Variants in CFAP20DC observed in about 807,000 individuals in gnomAD.
CFAP20DC encodes the protein CFAP20 domain containing.
Under a neutral mutation model 101.7 loss-of-function variants are expected in CFAP20DC, and 84 were observed. The ratio of observed to expected loss-of-function variants is 0.83; its 90% CI spans 0.69 to 0.99. The LOEUF (loss-of-function observed/expected upper bound fraction) is 0.99. Ranked by LOEUF, CFAP20DC falls within the 50% of genes least tolerant of loss-of-function variation. The probability of loss-of-function intolerance (pLI) is 0.00; values close to 1 mark genes in which losing one functional copy is unlikely to be tolerated. For missense variants in CFAP20DC, 1,007 were observed against 970.3 expected (o/e 1.04, Z -0.50); for synonymous variants, 359 against 351.2 (o/e 1.02, Z -0.25).
intron 4 of CFAP20DC, among the ~76,000 whole-genome samples, chr3:58,975,752 G>A (rs1161558006): frequency 6.6e-6 from 1 of 151,954 alleles, no homozygotes; most frequent in African/African-American, 2.4e-5. Flanking sequence ...GTTTTGGTAT[G>A]TGATACTGTT....
At chr3:58,718,580 TG>T (rs1174797862) in intron 3 of CFAP20DC, among the ~76,000 whole-genome samples, 1 of 152,204 alleles carries the variant, frequency 6.6e-6, no homozygotes, top group African/African-American at 2.4e-5. Context: ...CCCCTTGTCC[TG>T]CGGGCACTGC....
chr3:58,784,507 C>G (rs560834420), intron 15 of CFAP20DC, among the ~76,000 whole-genome samples: 1 of 152,070 alleles, frequency 6.6e-6, no homozygotes, highest in Non-Finnish European at 1.5e-5. Context: ...CATGTATCCT[C>G]TGAATCTAAA....
intron 14 of CFAP20DC, among the ~76,000 whole-genome samples, chr3:58,816,792 C>G (rs972907881): frequency 6.6e-6 from 1 of 152,156 alleles, no homozygotes; most frequent in Non-Finnish European, 1.5e-5. Context: ...CCCACCACAG[C>G]TCAAGGAGGC....
At chr3:58,787,233 G>A (rs913195941) in intron 15 of CFAP20DC, among the ~76,000 whole-genome samples, 4 of 149,246 alleles carry the variant, frequency 2.7e-5, no homozygotes, top group South Asian at 2.1e-4. Context: ...GTAAACTATC[G>A]CAAGAACAAA....
chr3:58,934,192 G>A (rs1236298185), intron 5 of CFAP20DC, among the ~76,000 whole-genome samples: 1 of 152,112 alleles, frequency 6.6e-6, no homozygotes, highest in African/African-American at 2.4e-5. Context: ...TAAATTCCTC[G>A]ACACATACAC....
At chr3:58,765,490 C>CAAAAA (rs1337049385) in intron 15 of CFAP20DC, among the ~76,000 whole-genome samples, 5 of 81,802 alleles carry the variant, frequency 6.1e-5, no homozygotes, top group Admixed American at 1.4e-4. Context: ...AAAAAAAAAC[C>CAAAAA]AAAAAAAAAA....
Position 58,859,935 on chromosome 3 carries a change from T to G in CFAP20DC, c.1593+3623A>C, listed in dbSNP as rs368642307. Among the ~76,000 whole-genome samples the G allele has an allele frequency of 6.6e-6, 1 of 152,020 alleles. No individual in the cohort carries two copies. Among genetic ancestry groups the G allele is most frequent in the Admixed American group, 6.5e-5 (1 of 15,268 alleles). ...GGCTCATGCCTGTAATCCCAGCACT[T>G]TCGGAAGCCGAGGCAGGCAGATCAC... On this transcript the variant is annotated intron_variant, in intron 12 of 16. Coordinates refer to ENST00000482387, the MANE Select transcript of CFAP20DC (RefSeq NM_001394063.1). This position sits in a 1 kb window ranked among gnomAD's most constrained non-coding sequence, Gnocchi z 4.1.
At chr3:59,022,200 C>A (rs569972011) in intron 4 of CFAP20DC, among the ~76,000 whole-genome samples, 1 of 151,850 alleles carries the variant, frequency 6.6e-6, no homozygotes, top group South Asian at 2.1e-4. Context: ...ACATGTTCAC[C>A]TTTTTGCAAC....
chr3:58,889,632 G>A (rs564192704), intron 6 of CFAP20DC, among the ~76,000 whole-genome samples: 99 of 144,970 alleles, frequency 6.8e-4, no homozygotes, highest in African/African-American at 2.4e-3. Context: ...GGACAATAGT[G>A]GAGGGAAGGT....
chr3:58,902,919 T>C (rs1559796415), intron 6 of CFAP20DC, among the ~76,000 whole-genome samples: 1 of 152,158 alleles, frequency 6.6e-6, no homozygotes, highest in East Asian at 1.9e-4. Flanking sequence ...CCCCTGAATA[T>C]TTTTCATCTG....
chr3:59,043,211 G>A (rs1287980914), intron 3 of CFAP20DC, among the ~76,000 whole-genome samples: 8 of 150,750 alleles, frequency 5.3e-5, no homozygotes, highest in Admixed American at 5.3e-4. Flanking sequence ...TAGATAGAGT[G>A]CCAACGACTG....
intron 5 of CFAP20DC, among the ~76,000 whole-genome samples, chr3:58,932,076 A>C (rs977277940): frequency 2.6e-5 from 4 of 152,236 alleles, no homozygotes; most frequent in Non-Finnish European, 2.9e-5. Context: ...AGAAGTGCTT[A>C]AAGGAGCTGA....
At chr3:58,855,995 T>TA (rs200238126) in intron 12 of CFAP20DC, among the ~76,000 whole-genome samples, 27 of 135,368 alleles carry the variant, frequency 2.0e-4, no homozygotes, top group African/African-American at 6.1e-4. Context: ...TAAAAAAAAA[T>TA]AAAAAAAAGA....
intron 3 of CFAP20DC, among the ~76,000 whole-genome samples, chr3:58,734,848 A>G (rs376822631): frequency 2.6e-5 from 4 of 152,150 alleles, no homozygotes; most frequent in African/African-American, 9.7e-5. Context: ...AAAGGCTTAC[A>G]ACTTTGAGGG....
At chr3:58,837,138 A>C (rs1390076289) in intron 13 of CFAP20DC, among the ~76,000 whole-genome samples, 2 of 152,196 alleles carry the variant, frequency 1.3e-5, no homozygotes, top group African/African-American at 4.8e-5. Flanking sequence ...GTTCCAAAGC[A>C]TCAAGGATAA....
At chr3:59,018,488 T>A (rs2093734835) in intron 4 of CFAP20DC, 1 of 152,122 alleles carries the variant, frequency 6.6e-6, no homozygotes, top group South Asian at 2.1e-4. Flanking sequence ...GTAAACATCA[T>A]AAGCCTCCTG....
At chr3:58,875,104 T>TGAA (rs1312952473) in intron 7 of CFAP20DC, among the ~76,000 whole-genome samples, 3 of 152,168 alleles carry the variant, frequency 2.0e-5, no homozygotes, top group Non-Finnish European at 4.4e-5. Context: ...GGGATAACAA[T>TGAA]GAACAAAACG....
At position 58,964,808 on chromosome 3, in the gene CFAP20DC, CT is replaced by C. The variant is rs1422902501; in HGVS notation, c.279-27047del. The stretch of plus-strand genomic sequence containing the variant: ...ATTTTGGTGATTACATCATTGTATA[CT>C]GATTTTTGCAGGTATTTCTATTTTC... On this transcript the variant is annotated intron_variant, in intron 4 of 16. Coordinates refer to ENST00000482387, the MANE Select transcript of CFAP20DC (RefSeq NM_001394063.1). This position sits in a 1 kb window ranked among gnomAD's most constrained non-coding sequence, Gnocchi z 4.1. 1.3e-5 allele frequency among the ~76,000 whole-genome samples: 2 copies of C among 152,102 alleles called. No individual in the cohort carries two copies. Among genetic ancestry groups the C allele is most frequent in the African/African-American group, 4.8e-5 (2 of 41,404 alleles).
intron 14 of CFAP20DC, among the ~76,000 whole-genome samples, chr3:58,809,968 T>A (rs2074466123): frequency 6.6e-6 from 1 of 152,054 alleles, no homozygotes; most frequent in Admixed American, 6.6e-5. Context: ...ATGGATAAAT[T>A]CCTGGACACA....
Sources: allele counts gnomAD v4.1 joint callset (sites outside exome capture counted in the v4.1 genomes callset), GRCh38; gene constraint gnomAD v4.1.1; non-coding constraint Gnocchi (gnomAD v3.1); transcripts MANE v1.5; gene names NCBI Gene and HGNC (gene_info 2026-07-23, HGNC 2026-07-21).